RANBP17: variants seen among roughly 807,000 people sequenced by gnomAD.
RANBP17 encodes RAN binding protein 17, also known as ran-binding protein 17.
Under a neutral mutation model 141.2 loss-of-function variants are expected in RANBP17, and 158 were observed. That is an observed-to-expected ratio of 1.12 (90% CI 0.98 to 1.28). RANBP17 has a LOEUF of 1.28. Among genes scored for constraint, RANBP17 ranks in the 50% most tolerant of loss-of-function variants. The pLI, the probability that RANBP17 is intolerant of heterozygous loss-of-function variation, is 0.00. For missense variants in RANBP17, 1,438 were observed against 1,290.7 expected (o/e 1.11, Z -1.75); for synonymous variants, 430 against 450.0 (o/e 0.96, Z 0.56).
intron 1 of RANBP17, among the ~76,000 whole-genome samples, chr5:170,862,430 G>A (rs1766875813): frequency 6.6e-6 from 1 of 152,198 alleles, no homozygotes; most frequent in Admixed American, 6.5e-5. Context: ...GCCTCGCGCG[G>A]CTGCCGAGCG....
chr5:170,924,411 G>A lies in RANBP17; in HGVS notation c.1329G>A (p.Glu443=), dbSNP rs541921492. The A allele has an allele frequency of 1.2e-6, 2 of 1,609,726 alleles. No individual in the cohort carries two copies. The highest frequency in any genetic ancestry group is 2.2e-5 in the East Asian group (1 of 44,784). Residue 443 remains glutamate, a synonymous_variant, in exon 12 of 28, where the codon GAG becomes GAA. Coordinates refer to ENST00000523189, the MANE Select transcript of RANBP17 (RefSeq NM_022897.5). ...DDTATVFQQL[E]QLCTVSRCEY... is the part of the protein sequence containing the mutation. ...CTGCCACTGTGTTTCAGCAGTTGGA[G>A]CAGTTGTGCACGGTCAGCAGATGTG...
chr5:170,992,289 T>C (rs1778560179), intron 14 of RANBP17, among the ~76,000 whole-genome samples: 2 of 152,038 alleles, frequency 1.3e-5, no homozygotes, highest in African/African-American at 4.8e-5. Context: ...ATTCTCTCTT[T>C]TGTTTTCCTT....
At chr5:170,932,169 A>G (rs1243447788) in intron 12 of RANBP17, among the ~76,000 whole-genome samples, 1 of 152,124 alleles carries the variant, frequency 6.6e-6, no homozygotes. Flanking sequence ...CTTTGAAGCA[A>G]TTGTGAATGA....
At chr5:171,218,108 T>C (rs1342942084) in intron 21 of RANBP17, among the ~76,000 whole-genome samples, 1 of 152,204 alleles carries the variant, frequency 6.6e-6, no homozygotes, top group Non-Finnish European at 1.5e-5. Context: ...CTCATTGGTT[T>C]TAAGGAACTA....
chr5:171,223,501 G>A (rs1292110428), intron 22 of RANBP17, among the ~76,000 whole-genome samples: 3 of 152,150 alleles, frequency 2.0e-5, no homozygotes, highest in Non-Finnish European at 4.4e-5. Flanking sequence ...CAGGCGTGGT[G>A]GCGGGCACCT....
intron 20 of RANBP17, among the ~76,000 whole-genome samples, chr5:171,208,860 C>T (rs1456056385): frequency 2.0e-5 from 3 of 152,182 alleles, no homozygotes; most frequent in Non-Finnish European, 4.4e-5. Flanking sequence ...GGGCCCAGTA[C>T]AGTGGCTGAC....
At chr5:170,998,562 G>A (rs535002301) in intron 14 of RANBP17, among the ~76,000 whole-genome samples, 4 of 152,146 alleles carry the variant, frequency 2.6e-5, no homozygotes, top group South Asian at 4.1e-4. Context: ...TTAATACATC[G>A]TTAAGCCCTT....
chr5:170,932,231 T>A (rs1178841687), intron 12 of RANBP17, among the ~76,000 whole-genome samples: 2 of 152,210 alleles, frequency 1.3e-5, no homozygotes, highest in African/African-American at 4.8e-5. Context: ...TGTATAGGAA[T>A]GCTTGTGATT....
At chr5:170,867,117 C>T (rs1159114308) in intron 1 of RANBP17, 1 of 152,198 alleles carries the variant, frequency 6.6e-6, no homozygotes, top group Non-Finnish European at 1.5e-5. Flanking sequence ...GCACACCAGC[C>T]TGGGCAACAT....
chr5:171,036,505 G>C (rs1781891931), intron 14 of RANBP17, among the ~76,000 whole-genome samples: 1 of 152,000 alleles, frequency 6.6e-6, no homozygotes, highest in South Asian at 2.1e-4. Context: ...TTATTACATG[G>C]GTATATTGCA....
chr5:170,979,666 G>T (rs548674107), intron 14 of RANBP17, among the ~76,000 whole-genome samples: 2 of 152,334 alleles, frequency 1.3e-5, no homozygotes, highest in Middle Eastern at 6.8e-3. Flanking sequence ...TGCCATCCAT[G>T]TAAGATGTGA....
At chr5:171,026,534 T>C (rs1420763489) in intron 14 of RANBP17, among the ~76,000 whole-genome samples, 2 of 152,214 alleles carry the variant, frequency 1.3e-5, no homozygotes, top group African/African-American at 4.8e-5. Context: ...TTAAAGTTAG[T>C]ATCTAGACAT....
At chr5:171,119,050 G>A (rs919489506) in intron 14 of RANBP17, among the ~76,000 whole-genome samples, 1 of 152,182 alleles carries the variant, frequency 6.6e-6, no homozygotes, top group Admixed American at 6.5e-5. Flanking sequence ...AATGTTAGCT[G>A]TGAGTTTGAC....
intron 14 of RANBP17, among the ~76,000 whole-genome samples, chr5:171,117,101 T>C (rs1329059699): frequency 6.6e-6 from 1 of 152,182 alleles, no homozygotes; most frequent in Non-Finnish European, 1.5e-5. Context: ...TCTTGGCTAT[T>C]ATGAATAGTG....
At chr5:171,110,978 A>T (rs2127758603) in intron 14 of RANBP17, among the ~76,000 whole-genome samples, 1 of 151,786 alleles carries the variant, frequency 6.6e-6, no homozygotes. Context: ...GTCATCTAGC[A>T]TTAGGTATAT....
Position 171,223,429 on chromosome 5 carries a change from T to C in RANBP17, c.2422+1589T>C, listed in dbSNP as rs1291422831. Among the ~76,000 whole-genome samples, 3 of 152,126 alleles carry C rather than the reference T, an allele frequency of 2.0e-5. No homozygotes were observed. The East Asian group carries it at 5.8e-4, about 29-fold the overall frequency. On this transcript the variant is annotated intron_variant, in intron 22 of 27. Transcript: ENST00000523189. ...CGGGCGGATCACTTGAGGCCAGGAG[T>C]TCGAGACCATCCTGGCTAACATGGT...
chr5:171,133,742 A>G (rs1314348859), intron 14 of RANBP17, among the ~76,000 whole-genome samples: 4 of 152,226 alleles, frequency 2.6e-5, no homozygotes, highest in African/African-American at 7.2e-5. Flanking sequence ...GCTTAAATGT[A>G]TGACCAGGAG....
chr5:170,958,804 A>G (rs1775926293), intron 13 of RANBP17, among the ~76,000 whole-genome samples: 2 of 152,206 alleles, frequency 1.3e-5, no homozygotes, highest in African/African-American at 2.4e-5. Context: ...TACTTTAAAC[A>G]TAGCAAATAA....
rs1561986166 is a variant in RANBP17, at chr5:171,012,074, A to ATAAT, written c.1710+43698_1710+43699insAATT. Among the ~76,000 whole-genome samples the ATAAT allele has an allele frequency of 1.1e-3, 169 of 150,980 alleles. 1 individual carries two copies. The highest frequency in any genetic ancestry group is 1.8e-3 in the Non-Finnish European group (122 of 67,542). On this transcript the variant is annotated intron_variant, in intron 14 of 27. Coordinates refer to ENST00000523189, the MANE Select transcript of RANBP17 (RefSeq NM_022897.5). ...TTATATTATTTGTTTAAACGAATAT[A>ATAAT]TTGTTTGTTTATTTGTTTAAACAAA... is the stretch of plus-strand genomic sequence containing the variant.
Sources: gnomAD v4.1 joint callset for allele counts (sites outside exome capture counted in the v4.1 genomes callset) on GRCh38, gnomAD v4.1.1 for gene constraint, MANE v1.5 for transcripts, NCBI Gene and HGNC (gene_info 2026-07-23, HGNC 2026-07-21) for gene names.